The following KIF26A variants were observed in gnomAD, a reference collection of about 807,000 sequenced individuals.
KIF26A encodes the protein kinesin-like protein KIF26A.
A neutral mutation model predicts 126.0 loss-of-function variants in KIF26A; 74 were observed. That is an observed-to-expected ratio of 0.59 (90% CI 0.49 to 0.71). The LOEUF (loss-of-function observed/expected upper bound fraction) is 0.71, where lower values mean the gene tolerates loss of function less well. Among genes scored for constraint, KIF26A ranks in the 30% least tolerant of loss-of-function variants. KIF26A has a pLI of 0.00. For synonymous variants in KIF26A, 1,445 were observed against 1,232.7 expected (o/e 1.17, Z -3.61); for missense variants, 2,984 against 2,763.3 (o/e 1.08, Z -1.79).
rs1374305917 is a variant in KIF26A, at chr14:104,177,180, G to A, written c.4392G>A (p.Lys1464=). 6.3e-7 allele frequency: 1 copy of A among 1,596,686 alleles called. No individual in the cohort carries two copies. Residue 1464 remains lysine (K), a synonymous_variant, in exon 12 of 15, where the codon AAG becomes AAA. Transcript: ENST00000423312. ...APGRPPRAVP[K]LGVPPSSPTH... ...GGCGGCCTCCCCGGGCTGTACCCAAGCTGGGTGTGCCACCCTCCAGCCCCA... is the reference window on the plus strand; with the variant it reads ...GGCGGCCTCCCCGGGCTGTACCCAAACTGGGTGTGCCACCCTCCAGCCCCA...
At position 104,179,697 on chromosome 14, in the gene KIF26A, C is replaced by G; in HGVS notation, c.5556C>G (p.Asn1852Lys). 1 of 1,550,278 alleles carries G rather than the reference C, an allele frequency of 6.5e-7. No individual in the cohort carries two copies. Among genetic ancestry groups the G allele is most frequent in the South Asian group, 1.2e-5 (1 of 84,048 alleles). Residue 1852 changes from asparagine (N) to lysine (K), a missense_variant, in exon 15 of 15, where the codon AAC becomes AAG. Transcript: ENST00000423312. ...RATAALEQCV[N>K]LCKAHVMMVT... ...CGGCGGCCCTGGAGCAGTGCGTGAA[C>G]CTGTGCAAGGCGCACGTCATGATGG... is the stretch of plus-strand genomic sequence containing the variant.
chr14:104,174,858 G>A (rs1299457370), intron 11 of KIF26A, 124 bp from the exon 12 acceptor site: 3 of 1,000,888 alleles, frequency 3.0e-6, no homozygotes, highest in South Asian at 1.8e-5. Context: ...GGACATGGTT[G>A]GTGGTGCCTG....
intron 7 of KIF26A, 72 bp from the exon 8 acceptor site, chr14:104,172,905 C>G: frequency 6.8e-7 from 1 of 1,462,948 alleles, no homozygotes; most frequent in Non-Finnish European, 9.0e-7. Flanking sequence ...TGGTTGGCCC[C>G]CGGGGACGCC....
intron 14 of KIF26A, 100 bp downstream of exon 14, chr14:104,179,486 G>C (rs2038076689): frequency 7.0e-7 from 1 of 1,421,600 alleles, no homozygotes; most frequent in Non-Finnish European, 9.2e-7. Flanking sequence ...CCTCGTGGTG[G>C]GAAGGCTGGA....
intron 4 of KIF26A, among the ~76,000 whole-genome samples, chr14:104,165,641 TTCTG>T (rs936164068): frequency 3.1e-5 from 4 of 130,788 alleles, no homozygotes; most frequent in East Asian, 2.0e-4. Context: ...GTGTCTGTGT[TTCTG>T]TATGCATGTG....
At position 104,151,836 on chromosome 14, in the gene KIF26A, A is replaced by G. The variant is rs913606354; in HGVS notation, c.289-179A>G. Among the ~76,000 whole-genome samples, 4 of 152,212 alleles carry G rather than the reference A, an allele frequency of 2.6e-5. No individual in the cohort carries two copies. Among genetic ancestry groups the G allele is most frequent in the African/African-American group, 9.6e-5 (4 of 41,458 alleles). Reference sequence around the variant, plus strand: ...GTGAGCCTCACGATGAAGCCCGATCATTATTTTCCTGCTGGGCTTGTGTGG... The same window carrying G: ...GTGAGCCTCACGATGAAGCCCGATCGTTATTTTCCTGCTGGGCTTGTGTGG... On this transcript the variant is annotated intron_variant, in intron 2 of 14. Coordinates refer to ENST00000423312, the MANE Select transcript of KIF26A (RefSeq NM_015656.2). This position sits in a 1 kb window ranked among gnomAD's most constrained non-coding sequence, Gnocchi z 4.9.
Position 104,176,686 on chromosome 14 carries a change from G to A in KIF26A, c.3898G>A (p.Val1300Met), listed in dbSNP as rs769012198. 1 of 1,594,548 alleles carries A rather than the reference G, an allele frequency of 6.3e-7. No homozygotes were observed. Among genetic ancestry groups the A allele is most frequent in the South Asian group, 1.1e-5 (1 of 89,424 alleles). Residue 1300 changes from valine (V) to methionine (M), a missense_variant, in exon 12 of 15, where the codon GTG becomes ATG. By Grantham distance (21) the Val-to-Met change is conservative. Coordinates refer to ENST00000423312, the MANE Select transcript of KIF26A (RefSeq NM_015656.2). ...AARAARRPEA[V>M]ARIPPLRRGA... is the part of the protein sequence containing the mutation. The stretch of plus-strand genomic sequence containing the variant: ...CAGGGCGGCCCGCAGGCCAGAGGCT[G>A]TGGCTCGGATCCCACCGCTGCGGAG...
At chr14:104,163,897 C>T (rs949757385) in intron 4 of KIF26A, among the ~76,000 whole-genome samples, 4 of 152,222 alleles carry the variant, frequency 2.6e-5, no homozygotes, top group South Asian at 2.1e-4. Context: ...ACTACCGGGG[C>T]TTCTCCTGGG....
chr14:104,158,746 A>G (rs989784496), intron 4 of KIF26A, among the ~76,000 whole-genome samples: 1 of 151,890 alleles, frequency 6.6e-6, no homozygotes, highest in Non-Finnish European at 1.5e-5. Flanking sequence ...AGAGGTGGGG[A>G]GGGGGAGTTG....
chr14:104,168,940 T>C (rs73360234), intron 5 of KIF26A, among the ~76,000 whole-genome samples: 15,701 of 151,026 alleles, frequency 0.1, 1,154 homozygotes, highest in African/African-American at 0.21. Context: ...CTAGCACTGC[T>C]GGGGGTCTGC....
At chr14:104,167,905 G>A (rs574542266) in intron 5 of KIF26A, among the ~76,000 whole-genome samples, 1 of 152,196 alleles carries the variant, frequency 6.6e-6, no homozygotes, top group African/African-American at 2.4e-5. Flanking sequence ...ATCAGGCTCC[G>A]TGCCCCTCTG....
At position 104,152,951 on chromosome 14, in the gene KIF26A, G is replaced by A. The variant is rs1426487489; in HGVS notation, c.735+490G>A. Among the ~76,000 whole-genome samples, 1 of 152,250 alleles carries A rather than the reference G, an allele frequency of 6.6e-6. No individual in the cohort carries two copies. Among genetic ancestry groups the A allele is most frequent in the East Asian group, 1.9e-4 (1 of 5,182 alleles). ...CCCCTGTGGCACCCTGGGGGCAGAG[G>A]GACATGTGGGTGGCTGTGAAGAGCC... On this transcript the variant is annotated intron_variant, in intron 3 of 14. Coordinates refer to ENST00000423312, the MANE Select transcript of KIF26A (RefSeq NM_015656.2). The surrounding 1 kb of genome is among the most constrained non-coding windows in gnomAD (Gnocchi z 5.9).
chr14:104,177,329 C>T lies in KIF26A; in HGVS notation c.4541C>T (p.Ser1514Leu), dbSNP rs753727981. 4.5e-5 allele frequency: 69 copies of T among 1,523,106 alleles called. No homozygotes were observed. The highest frequency in any genetic ancestry group is 7.3e-5 in the East Asian group (3 of 41,212). The allele number at this position is 1,523,106 out of a possible 1,614,324, so 94.3% of individuals were successfully genotyped here. Residue 1514 changes from serine to leucine, a missense_variant, in exon 12 of 15, where the codon TCG (serine) becomes TTG (leucine). By Grantham distance (145) the Ser-to-Leu change is moderately radical. Coordinates refer to ENST00000423312, the MANE Select transcript of KIF26A (RefSeq NM_015656.2). ...GGTGGGTCGCGGGCTCTGGGGCCTT[C>T]GGTGAAGCTGTCTACGGCCTCTGTG... ...VAGGSRALGP[S>L]VKLSTASVTG...
In KIF26A at chr14:104,175,665, G is replaced by A; in HGVS notation, c.2877G>A (p.Leu959=). 1 of 1,608,340 alleles carries A rather than the reference G, an allele frequency of 6.2e-7. No individual in the cohort carries two copies. Among genetic ancestry groups the A allele is most frequent in the Non-Finnish European group, 8.5e-7 (1 of 1,178,526 alleles). The change falls in exon 12 of 15, where the codon CTG becomes CTA. Residue 959 remains leucine (L), a synonymous_variant. Transcript: ENST00000423312. ...CGGCTCCCCCACCTCCTCAGTTGCT[G>A]GAAGCCTGCAGAGCCCCAGAAGAGC... ...PSPAPPPPQL[L]EACRAPEEPG... is the part of the protein sequence containing the mutation.
intron 4 of KIF26A, among the ~76,000 whole-genome samples, chr14:104,165,521 A>C (rs1222102160): frequency 1.1e-5 from 1 of 94,702 alleles, no homozygotes; most frequent in African/African-American, 5.7e-5. Flanking sequence ...CTCTGTATGC[A>C]TGTGTGTATC....
In KIF26A at chr14:104,175,095, G is replaced by GCCT. The variant is rs768915715; in HGVS notation, c.2310_2312dup (p.Pro771dup). On this transcript the variant is annotated inframe_insertion, in exon 12 of 15. Transcript: ENST00000423312. ...CTGTGGCCCTGGACCCCGACCGCACGCCTCCCTGCCTGCCCGGTGACCCCG... is the reference window on the plus strand; with the variant it reads ...CTGTGGCCCTGGACCCCGACCGCACGCCTCCTCCCTGCCTGCCCGGTGACCCCG... 2.7e-5 allele frequency: 43 copies of GCCT among 1,601,230 alleles called. 2 individuals are homozygous for GCCT. Among genetic ancestry groups the GCCT allele is most frequent in the Non-Finnish European group, 5.1e-6 (6 of 1,175,518 alleles).
chr14:104,178,103 A>AC (rs1033767649), intron 12 of KIF26A, among the ~76,000 whole-genome samples: 9 of 151,650 alleles, frequency 5.9e-5, no homozygotes, highest in Non-Finnish European at 8.8e-5. Context: ...CAGTTTATAA[A>AC]CCCCCTGTAC....
In KIF26A at chr14:104,151,957, G is replaced by A; in HGVS notation, c.289-58G>A. On this transcript the variant is annotated intron_variant, in intron 2 of 14. Transcript: ENST00000423312. The surrounding 1 kb of genome is among the most constrained non-coding windows in gnomAD (Gnocchi z 4.9). ...GACGGTGAGAGTGCTGGTGGGCTCT[G>A]GGTGCCGGCCCTCCCTCCCCAGGCA... is the stretch of plus-strand genomic sequence containing the variant. 6 of 1,510,400 alleles carry A rather than the reference G, an allele frequency of 4.0e-6. No individual in the cohort carries two copies. Among genetic ancestry groups the A allele is most frequent in the Non-Finnish European group, 4.6e-6 (5 of 1,088,138 alleles). The allele number at this position is 1,510,400 out of a possible 1,614,324, so 93.6% of individuals were successfully genotyped here. A position where few individuals can be genotyped will look rare whatever the true frequency, so the allele number is the denominator to read the frequency against.
chr14:104,169,953 C>A (rs2037941773), intron 5 of KIF26A, among the ~76,000 whole-genome samples: 2 of 152,196 alleles, frequency 1.3e-5, no homozygotes, highest in South Asian at 2.1e-4. Flanking sequence ...TGCGCTGGGA[C>A]CAGGGCAGTG....
Sources: allele counts gnomAD v4.1 joint callset (sites outside exome capture counted in the v4.1 genomes callset), GRCh38; gene constraint gnomAD v4.1.1; non-coding constraint Gnocchi (gnomAD v3.1); transcripts MANE v1.5; gene names NCBI Gene and HGNC (gene_info 2026-07-23, HGNC 2026-07-21).